The following SMYD3 variants were observed in gnomAD, a reference collection of about 807,000 sequenced individuals.
SMYD3 encodes SET and MYND domain containing 3.
In SMYD3, 36 loss-of-function variants were observed where a neutral mutation model predicts 57.7. The observed-to-expected ratio is 0.62, with a 90% CI of 0.48 to 0.82. The LOEUF (loss-of-function observed/expected upper bound fraction) is 0.82. Ranked by LOEUF, SMYD3 falls within the 40% of genes least tolerant of loss-of-function variation. SMYD3 has a pLI of 0.00. For missense variants in SMYD3, 515 were observed against 538.8 expected (o/e 0.96, Z 0.44); for synonymous variants, 211 against 195.0 (o/e 1.08, Z -0.68).
At chr1:245,967,809 C>G (rs941379757) in intron 5 of SMYD3, among the ~76,000 whole-genome samples, 1 of 152,124 alleles carries the variant, frequency 6.6e-6, no homozygotes, top group East Asian at 1.9e-4. Flanking sequence ...ACTAATTTAC[C>G]CAAATAAAAT....
intron 1 of SMYD3, among the ~76,000 whole-genome samples, chr1:246,500,593 G>A (rs898592633): frequency 6.6e-6 from 1 of 152,146 alleles, no homozygotes; most frequent in African/African-American, 2.4e-5. Context: ...GGGGAATCAG[G>A]ACCAGTTACT....
chr1:245,780,316 G>A (rs766122107), intron 10 of SMYD3, among the ~76,000 whole-genome samples: 11 of 152,168 alleles, frequency 7.2e-5, no homozygotes, highest in African/African-American at 2.2e-4. Context: ...TGATATCTCC[G>A]TATGGTGGAA....
intron 5 of SMYD3, among the ~76,000 whole-genome samples, chr1:246,194,585 C>A (rs1003761265): frequency 2.0e-5 from 3 of 152,166 alleles, no homozygotes; most frequent in Non-Finnish European, 4.4e-5. Context: ...CAGTTTTTCA[C>A]AGACATTATC....
At chr1:246,381,075 G>A (rs1363281800) in intron 1 of SMYD3, among the ~76,000 whole-genome samples, 1 of 152,200 alleles carries the variant, frequency 6.6e-6, no homozygotes, top group Non-Finnish European at 1.5e-5. Flanking sequence ...TGCTTCAGAG[G>A]AGCTGGCAAT....
At chr1:246,033,383 T>A (rs1250361828) in intron 5 of SMYD3, among the ~76,000 whole-genome samples, 1 of 152,210 alleles carries the variant, frequency 6.6e-6, no homozygotes, top group Non-Finnish European at 1.5e-5. Flanking sequence ...GCTCTACAGG[T>A]TAAAGAGCGG....
At chr1:246,411,457 C>A (rs2066966979) in intron 1 of SMYD3, among the ~76,000 whole-genome samples, 1 of 152,124 alleles carries the variant, frequency 6.6e-6, no homozygotes, top group Admixed American at 6.5e-5. Flanking sequence ...CCATTTGACC[C>A]AGCCATCCCA....
intron 11 of SMYD3, among the ~76,000 whole-genome samples, chr1:245,758,861 G>A (rs183500937): frequency 1.6e-4 from 25 of 152,204 alleles, no homozygotes; most frequent in African/African-American, 6.0e-4. Flanking sequence ...CCTGGTTCTT[G>A]GCATAGTGAG....
chr1:246,059,730 A>G (rs1216052553), intron 5 of SMYD3, among the ~76,000 whole-genome samples: 1 of 152,222 alleles, frequency 6.6e-6, no homozygotes, highest in Non-Finnish European at 1.5e-5. Context: ...GCATAATAAG[A>G]TTTCATTTTC....
chr1:245,813,805 C>T (rs1432416017), intron 10 of SMYD3, among the ~76,000 whole-genome samples: 1 of 144,582 alleles, frequency 6.9e-6, no homozygotes, highest in Admixed American at 6.9e-5. Context: ...GTTTAGATGG[C>T]CTCAGAATAT....
chr1:246,488,560 C>G (rs1039256671), intron 1 of SMYD3, among the ~76,000 whole-genome samples: 1 of 152,160 alleles, frequency 6.6e-6, no homozygotes, highest in Non-Finnish European at 1.5e-5. Context: ...GTGGTGCATG[C>G]CTATAGTCTC....
intron 5 of SMYD3, among the ~76,000 whole-genome samples, chr1:246,067,888 T>C (rs1275387685): frequency 6.6e-6 from 1 of 151,650 alleles, no homozygotes; most frequent in African/African-American, 2.4e-5. Flanking sequence ...AAACCGCAAA[T>C]AGTTCGAAAG....
intron 1 of SMYD3, among the ~76,000 whole-genome samples, chr1:246,409,799 T>C (rs2066932312): frequency 6.6e-6 from 1 of 152,232 alleles, no homozygotes; most frequent in South Asian, 2.1e-4. Context: ...TGATTCTTCC[T>C]ACCCATGAGC....
intron 5 of SMYD3, among the ~76,000 whole-genome samples, chr1:246,092,582 C>T (rs965605537): frequency 1.8e-4 from 27 of 152,034 alleles, no homozygotes; most frequent in African/African-American, 6.5e-4. Context: ...CAAGTAGACC[C>T]CACCTCTCAC....
chr1:245,978,656 G>A (rs373459855), intron 5 of SMYD3, among the ~76,000 whole-genome samples: 3 of 152,232 alleles, frequency 2.0e-5, no homozygotes, highest in East Asian at 1.9e-4. Flanking sequence ...TGAGTCCAGC[G>A]TTTCGGAGCC....
At chr1:246,154,761 T>G (rs1000439492) in intron 5 of SMYD3, among the ~76,000 whole-genome samples, 2 of 151,078 alleles carry the variant, frequency 1.3e-5, no homozygotes, top group South Asian at 2.1e-4. Context: ...CAAACAATGT[T>G]TTTTTTTTGT....
At chr1:246,167,885 T>A (rs1209492975) in intron 5 of SMYD3, among the ~76,000 whole-genome samples, 1 of 152,230 alleles carries the variant, frequency 6.6e-6, no homozygotes, top group East Asian at 1.9e-4. Context: ...GTCGGCCATT[T>A]GTATATCTTC....
At chr1:245,752,160 C>A (rs886551060) in intron 11 of SMYD3, among the ~76,000 whole-genome samples, 1 of 152,192 alleles carries the variant, frequency 6.6e-6, no homozygotes, top group Non-Finnish European at 1.5e-5. Context: ...CTTAGATGTT[C>A]TCTTCCCTTT....
chr1:246,154,337 C>T (rs2061988695), intron 5 of SMYD3, among the ~76,000 whole-genome samples: 1 of 152,210 alleles, frequency 6.6e-6, no homozygotes, highest in African/African-American at 2.4e-5. Context: ...GCTGATCCTG[C>T]TCCATACAGC....
chr1:245,779,522 A>G (rs1340326432), intron 10 of SMYD3, among the ~76,000 whole-genome samples: 3 of 152,246 alleles, frequency 2.0e-5, no homozygotes, highest in Non-Finnish European at 2.9e-5. Flanking sequence ...TTGTGGAAGT[A>G]TATATGCATT....
Sources: allele counts gnomAD v4.1 joint callset (sites outside exome capture counted in the v4.1 genomes callset), GRCh38; gene constraint gnomAD v4.1.1; transcripts MANE v1.5; gene names NCBI Gene and HGNC (gene_info 2026-07-23, HGNC 2026-07-21).